TACR1: variants seen among roughly 807,000 people sequenced by gnomAD.
TACR1 encodes tachykinin receptor 1, also known as substance-P receptor.
TACR1 carries 25 observed loss-of-function variants against 35.8 expected under a neutral mutation model. The ratio of observed to expected loss-of-function variants is 0.70; its 90% confidence interval spans 0.51 to 0.98. The LOEUF is 0.98. Among genes scored for constraint, TACR1 ranks in the 50% least tolerant of loss-of-function variants. TACR1 has a pLI of 0.00. For synonymous variants in TACR1, 195 were observed against 206.7 expected (o/e 0.94, Z 0.48); for missense variants, 478 against 522.9 (o/e 0.91, Z 0.84).
intron 1 of TACR1, among the ~76,000 whole-genome samples, chr2:75,130,509 T>C (rs1433494948): frequency 6.6e-6 from 1 of 152,252 alleles, no homozygotes; most frequent in Non-Finnish European, 1.5e-5. Flanking sequence ...TTTTCTTGTA[T>C]AGTGTAAATC....
intron 2 of TACR1, among the ~76,000 whole-genome samples, chr2:75,094,865 T>A (rs200014927): frequency 0.015 from 1,658 of 112,824 alleles, 21 homozygotes; most frequent in East Asian, 0.071. Context: ...ATATATTTTT[T>A]TTTTTTTTGC....
intron 1 of TACR1, among the ~76,000 whole-genome samples, chr2:75,148,941 G>T (rs182287451): frequency 4.9e-4 from 74 of 152,216 alleles, no homozygotes; most frequent in African/African-American, 1.7e-3. Flanking sequence ...TCTGCATATG[G>T]CTAGCCAGTT....
intron 1 of TACR1, among the ~76,000 whole-genome samples, chr2:75,140,091 A>G (rs1674372273): frequency 6.6e-6 from 1 of 152,184 alleles, no homozygotes; most frequent in African/African-American, 2.4e-5. Flanking sequence ...GATTATCTCT[A>G]TCTTTCCTGG....
chr2:75,125,765 C>G (rs941174362), intron 1 of TACR1, among the ~76,000 whole-genome samples: 1 of 152,200 alleles, frequency 6.6e-6, no homozygotes, highest in African/African-American at 2.4e-5. Flanking sequence ...TATAGACACC[C>G]AGGATCATCC....
At chr2:75,074,565 A>G (rs928111255) in intron 2 of TACR1, among the ~76,000 whole-genome samples, 3 of 152,226 alleles carry the variant, frequency 2.0e-5, no homozygotes, top group African/African-American at 7.2e-5. Flanking sequence ...AACTTTAAGA[A>G]GAGCAGCTAG....
chr2:75,116,332 T>TTAA (rs1384737490), intron 2 of TACR1, among the ~76,000 whole-genome samples: 1 of 152,116 alleles, frequency 6.6e-6, no homozygotes. Context: ...ACTCCTGAGC[T>TTAA]TAAGCGATCT....
chr2:75,170,019 C>T (rs901912385), intron 1 of TACR1, among the ~76,000 whole-genome samples: 1 of 152,058 alleles, frequency 6.6e-6, no homozygotes, highest in Non-Finnish European at 1.5e-5. Flanking sequence ...CTTAGCCAGA[C>T]CCTTTTGATT....
intron 2 of TACR1, among the ~76,000 whole-genome samples, chr2:75,117,013 T>A (rs1181044434): frequency 1.3e-5 from 2 of 152,208 alleles, no homozygotes; most frequent in Non-Finnish European, 1.5e-5. Flanking sequence ...TTTTGTCAGA[T>A]TTCTTAATAT....
Position 75,196,283 on chromosome 2 carries a change from G to A in TACR1, c.389+2263C>T, listed in dbSNP as rs141945058. On this transcript the variant is annotated intron_variant, in intron 1 of 4. Coordinates refer to ENST00000305249, the MANE Select transcript of TACR1 (RefSeq NM_001058.4). ...TGGGAGAGAATGGATGACCACACAT[G>A]CAGGAAATATATTCATTGGAAGGCC... 5.5e-3 allele frequency among the ~76,000 whole-genome samples: 837 copies of A among 152,228 alleles called. 3 individuals carry two copies. Among genetic ancestry groups the A allele is most frequent in the Non-Finnish European group, 9.1e-3 (620 of 68,002 alleles).
At chr2:75,059,339 A>G (rs1672626937) in intron 2 of TACR1, among the ~76,000 whole-genome samples, 1 of 152,222 alleles carries the variant, frequency 6.6e-6, no homozygotes, top group Non-Finnish European at 1.5e-5. Flanking sequence ...CAAAATCAGA[A>G]TATGCATTTT....
chr2:75,076,807 G>A (rs955567231), intron 2 of TACR1, among the ~76,000 whole-genome samples: 1 of 152,086 alleles, frequency 6.6e-6, no homozygotes, highest in African/African-American at 2.4e-5. Flanking sequence ...TGAGGCCTTC[G>A]CATCTTCGGT....
At chr2:75,065,662 G>A (rs1672749998) in intron 2 of TACR1, among the ~76,000 whole-genome samples, 1 of 152,204 alleles carries the variant, frequency 6.6e-6, no homozygotes, top group South Asian at 2.1e-4. Context: ...ACATGCAGAA[G>A]TGAAGCTTGT....
chr2:75,048,495 C>G lies in TACR1; in HGVS notation c.*937G>C. 1 of 152,172 alleles carries G rather than the reference C, an allele frequency of 6.6e-6. No individual in the cohort carries two copies. Among genetic ancestry groups the G allele is most frequent in the East Asian group, 1.9e-4 (1 of 5,198 alleles). The allele number at this position is 152,172 out of a possible 1,614,324, so 9.4% of individuals were successfully genotyped here. A position where few individuals can be genotyped will look rare whatever the true frequency, so the allele number is the denominator to read the frequency against. On this transcript the variant is annotated 3_prime_UTR_variant, in exon 5 of 5. Transcript: ENST00000305249. ...TCTGAGATGGATAGTTACAGATGGCCTTAGCAGTTGCTACATCTCCAGGAA... is the reference window on the plus strand; with the variant it reads ...TCTGAGATGGATAGTTACAGATGGCGTTAGCAGTTGCTACATCTCCAGGAA...
intron 2 of TACR1, among the ~76,000 whole-genome samples, chr2:75,075,478 A>G (rs1044605889): frequency 6.6e-6 from 1 of 152,236 alleles, no homozygotes; most frequent in African/African-American, 2.4e-5. Flanking sequence ...TGACCTAATA[A>G]TGCTTTAGTT....
intron 2 of TACR1, among the ~76,000 whole-genome samples, chr2:75,097,080 C>G (rs1673437472): frequency 6.6e-6 from 1 of 152,222 alleles, no homozygotes; most frequent in South Asian, 2.1e-4. Flanking sequence ...TTTTTCTCTC[C>G]TCTTTACCAC....
chr2:75,105,082 A>G (rs1418000279), intron 2 of TACR1, among the ~76,000 whole-genome samples: 1 of 152,152 alleles, frequency 6.6e-6, no homozygotes, highest in African/African-American at 2.4e-5. Context: ...AGATATTTGC[A>G]CTTCCATGTT....
intron 1 of TACR1, among the ~76,000 whole-genome samples, chr2:75,124,338 C>G (rs1355577774): frequency 6.6e-6 from 1 of 152,204 alleles, no homozygotes; most frequent in African/African-American, 2.4e-5. Context: ...TCATAACTTC[C>G]TGCTATACCA....
intron 1 of TACR1, chr2:75,154,501 C>CACACACACACACACACACAG (rs1674785594): frequency 1.5e-5 from 2 of 129,754 alleles, no homozygotes; most frequent in African/African-American, 6.6e-5. Context: ...CACACACACA[C>CACACACACACACACACACAG]ACACACACAC....
At chr2:75,197,509 A>G (rs966922565) in intron 1 of TACR1, among the ~76,000 whole-genome samples, 5 of 152,194 alleles carry the variant, frequency 3.3e-5, no homozygotes, top group African/African-American at 1.2e-4. Flanking sequence ...CCAGGTAAAC[A>G]TTTAACACCT....
Sources: allele counts gnomAD v4.1 joint callset (sites outside exome capture counted in the v4.1 genomes callset), GRCh38; gene constraint gnomAD v4.1.1; transcripts MANE v1.5; gene names NCBI Gene and HGNC (gene_info 2026-07-23, HGNC 2026-07-21).